ANO3: variants seen among roughly 807,000 people sequenced by gnomAD.
ANO3 encodes anoctamin 3.
A neutral mutation model predicts 144.8 loss-of-function variants in ANO3; 99 were observed. That is an observed-to-expected ratio of 0.68 (90% CI 0.58 to 0.81). ANO3 has a LOEUF of 0.81. ANO3 is among the 30% of genes least tolerant of loss of function. The pLI is 0.00. For synonymous variants in ANO3, 414 were observed against 392.6 expected (o/e 1.05, Z -0.64); for missense variants, 905 against 1,202.2 (o/e 0.75, Z 3.66).
At chr11:26,393,719 T>C (rs893173174) in intron 1 of ANO3, among the ~76,000 whole-genome samples, 1 of 152,208 alleles carries the variant, frequency 6.6e-6, no homozygotes, top group African/African-American at 2.4e-5. Flanking sequence ...TTTCATGAAA[T>C]GATAGCAAAT....
intron 1 of ANO3, among the ~76,000 whole-genome samples, chr11:26,252,158 AAAG>A (rs1483705780): frequency 1.3e-5 from 2 of 152,204 alleles, no homozygotes; most frequent in Admixed American, 1.3e-4. Flanking sequence ...CCTTGACTCC[AAAG>A]GAGACTGAAA....
chr11:26,378,157 A>G (rs1277596960), intron 1 of ANO3, among the ~76,000 whole-genome samples: 1 of 151,862 alleles, frequency 6.6e-6, no homozygotes, highest in Non-Finnish European at 1.5e-5. Flanking sequence ...AATATAAACA[A>G]TAATGTATAA....
At chr11:26,586,444 A>G (rs1468583486) in intron 14 of ANO3, among the ~76,000 whole-genome samples, 1 of 147,378 alleles carries the variant, frequency 6.8e-6, no homozygotes, top group Non-Finnish European at 1.5e-5. Context: ...TTCAACTAGA[A>G]TTGATCTTGA....
intron 5 of ANO3, among the ~76,000 whole-genome samples, chr11:26,511,310 A>AT (rs1204794264): frequency 6.6e-6 from 1 of 152,174 alleles, no homozygotes; most frequent in Non-Finnish European, 1.5e-5. Flanking sequence ...GGAGATTTTT[A>AT]TATCTTCCCT....
intron 18 of ANO3, among the ~76,000 whole-genome samples, chr11:26,628,266 T>G (rs1413856899): frequency 1.3e-5 from 2 of 152,190 alleles, no homozygotes; most frequent in African/African-American, 4.8e-5. Context: ...GGGTCAAAAC[T>G]ACCTTACAGT....
At chr11:26,279,632 A>C (rs796554107) in intron 1 of ANO3, among the ~76,000 whole-genome samples, 82 of 152,292 alleles carry the variant, frequency 5.4e-4, no homozygotes, top group African/African-American at 1.8e-3. Context: ...GCTCTGTTTC[A>C]AGTCAAATCA....
intron 17 of ANO3, among the ~76,000 whole-genome samples, chr11:26,623,558 A>G (rs1437178821): frequency 6.6e-6 from 1 of 152,170 alleles, no homozygotes; most frequent in African/African-American, 2.4e-5. Context: ...GAAAAGTATT[A>G]TCAGAAAAAT....
intron 17 of ANO3, among the ~76,000 whole-genome samples, chr11:26,616,288 A>G (rs1341819571): frequency 1.3e-5 from 2 of 152,176 alleles, no homozygotes; most frequent in South Asian, 2.1e-4. Flanking sequence ...GTTGGAGGTA[A>G]TCAATGTTAA....
At chr11:26,413,728 A>G (rs2133988957) in intron 1 of ANO3, among the ~76,000 whole-genome samples, 1 of 152,130 alleles carries the variant, frequency 6.6e-6, no homozygotes, top group East Asian at 1.9e-4. Flanking sequence ...TTTCTTATTA[A>G]TCATTGAGTG....
chr11:26,283,722 A>T (rs1209725288), intron 1 of ANO3, among the ~76,000 whole-genome samples: 1 of 152,130 alleles, frequency 6.6e-6, no homozygotes, highest in Admixed American at 6.5e-5. Flanking sequence ...TTTCCAGGGT[A>T]CTAGAAATCT....
chr11:26,652,105 A>G lies in ANO3; in HGVS notation c.2577-4020A>G, dbSNP rs912548736. Among the ~76,000 whole-genome samples the G allele has an allele frequency of 5.3e-5, 8 of 152,292 alleles. No homozygotes were observed. In the South Asian group the frequency reaches 1.4e-3, roughly 28 times the overall value. The stretch of plus-strand genomic sequence containing the variant: ...TGCAGAATCACATCGTTGGTTCTCC[A>G]GACTCTTTGTCTACTCTGCACTGCA... On this transcript the variant is annotated intron_variant, in intron 24 of 26. Coordinates refer to ENST00000256737, the MANE Select transcript of ANO3 (RefSeq NM_031418.4).
rs188834345 is a variant in ANO3 at position 26,302,301 on chromosome 11, T to A, written c.155-7344T>A. Reference sequence around the variant, plus strand: ...CACGAGGTCAAGAGATTGAGAATATTCTGGCCAACACGGTGAAACCCCGTC... The same window carrying A: ...CACGAGGTCAAGAGATTGAGAATATACTGGCCAACACGGTGAAACCCCGTC... On this transcript the variant is annotated intron_variant, in intron 1 of 27. Coordinates refer to the ANO3 transcript ENST00000672621. Among the ~76,000 whole-genome samples the A allele has an allele frequency of 1.2e-3, 187 of 152,162 alleles. 1 individual carries two copies. The Middle Eastern group carries it at 0.017, about 14-fold the overall frequency.
intron 1 of ANO3, among the ~76,000 whole-genome samples, chr11:26,433,238 T>C (rs948388886): frequency 1.3e-5 from 2 of 152,154 alleles, no homozygotes; most frequent in African/African-American, 2.4e-5. Context: ...TGTATGTTGA[T>C]TTTTTTATCC....
upstream of ANO3, among the ~76,000 whole-genome samples, chr11:26,330,791 C>T (rs1432648601): frequency 4.6e-5 from 7 of 152,202 alleles, no homozygotes; most frequent in Non-Finnish European, 2.9e-5. Flanking sequence ...GTATCATGCA[C>T]CACAGATGAA....
At chr11:26,198,303 A>C (rs897099460) in intron 1 of ANO3, among the ~76,000 whole-genome samples, 6 of 152,096 alleles carry the variant, frequency 3.9e-5, no homozygotes, top group African/African-American at 9.7e-5. Flanking sequence ...TCCTGTTTCT[A>C]AGTGGAAATT....
intron 1 of ANO3, among the ~76,000 whole-genome samples, chr11:26,202,421 C>A (rs1851715409): frequency 6.7e-6 from 1 of 149,474 alleles, no homozygotes; most frequent in Non-Finnish European, 1.5e-5. Flanking sequence ...TTCAATGAAA[C>A]AAATTAGGCA....
At chr11:26,388,969 G>C (rs1336234153) in intron 1 of ANO3, among the ~76,000 whole-genome samples, 4 of 152,068 alleles carry the variant, frequency 2.6e-5, no homozygotes, top group South Asian at 2.1e-4. Flanking sequence ...TATTATGTTT[G>C]AACATTTTAT....
chr11:26,461,434 C>G (rs1032033305), intron 3 of ANO3, among the ~76,000 whole-genome samples: 1 of 151,988 alleles, frequency 6.6e-6, no homozygotes, highest in African/African-American at 2.4e-5. Context: ...ATGACACCCC[C>G]CACTCCTTTC....
chr11:26,459,878 A>T (rs1397410318), intron 3 of ANO3, among the ~76,000 whole-genome samples: 1 of 152,086 alleles, frequency 6.6e-6, no homozygotes, highest in Non-Finnish European at 1.5e-5. Context: ...AGATGGCAAT[A>T]GTTTCTACGT....
Sources: gnomAD v4.1 joint callset for allele counts (sites outside exome capture counted in the v4.1 genomes callset) on GRCh38, gnomAD v4.1.1 for gene constraint, MANE v1.5 for transcripts, NCBI Gene and HGNC (gene_info 2026-07-23, HGNC 2026-07-21) for gene names.